Variants in TNR observed in about 807,000 individuals in gnomAD.
TNR encodes tenascin R.
TNR carries 45 observed loss-of-function variants against 150.4 expected under a neutral mutation model. The ratio of observed to expected loss-of-function variants is 0.30; its 90% CI spans 0.24 to 0.38. TNR has a LOEUF of 0.38. TNR is among the 10% of genes least tolerant of loss of function. The pLI is 1.00. For missense variants in TNR, 1,544 were observed against 1,759.1 expected (o/e 0.88, Z 2.19); for synonymous variants, 687 against 678.4 (o/e 1.01, Z -0.20).
At chr1:175,681,125 G>A (rs1054719350) in intron 1 of TNR, among the ~76,000 whole-genome samples, 1 of 152,218 alleles carries the variant, frequency 6.6e-6, no homozygotes, top group Non-Finnish European at 1.5e-5. Flanking sequence ...AAGGGGGGCA[G>A]GGAGAAGCAA....
chr1:175,657,934 TA>T (rs5778866), intron 1 of TNR, among the ~76,000 whole-genome samples: 70,047 of 122,114 alleles, frequency 0.57, 20,414 homozygotes, highest in East Asian at 0.73. Flanking sequence ...TAAAGTATAA[TA>T]AAAAAAAAAA....
chr1:175,610,961 G>C (rs1259735341), intron 1 of TNR, among the ~76,000 whole-genome samples: 1 of 152,204 alleles, frequency 6.6e-6, no homozygotes, highest in Non-Finnish European at 1.5e-5. Flanking sequence ...TACATGGCTT[G>C]ATCACTGAGC....
At chr1:175,463,290 T>A (rs1656896455) in intron 2 of TNR, among the ~76,000 whole-genome samples, 1 of 152,300 alleles carries the variant, frequency 6.6e-6, no homozygotes, top group East Asian at 1.9e-4. Context: ...CCCTTCCTGA[T>A]TTTACTGCAT....
intron 2 of TNR, among the ~76,000 whole-genome samples, chr1:175,471,936 T>C (rs1657310971): frequency 6.6e-6 from 1 of 152,236 alleles, no homozygotes; most frequent in African/African-American, 2.4e-5. Flanking sequence ...TTTTTTCTAT[T>C]TCTAATTTTT....
chr1:175,559,590 T>C (rs566599392), intron 1 of TNR, among the ~76,000 whole-genome samples: 6 of 152,318 alleles, frequency 3.9e-5, no homozygotes, highest in Non-Finnish European at 2.9e-5. Flanking sequence ...GAAGAATACA[T>C]ATCAGTATTG....
chr1:175,513,840 G>C (rs1659293714), intron 2 of TNR, among the ~76,000 whole-genome samples: 1 of 152,184 alleles, frequency 6.6e-6, no homozygotes, highest in Non-Finnish European at 1.5e-5. Context: ...CAAACTCACT[G>C]CACATGCACA....
chr1:175,326,122 T>C (rs1164177297), intron 21 of TNR, among the ~76,000 whole-genome samples: 1 of 152,168 alleles, frequency 6.6e-6, no homozygotes, highest in African/African-American at 2.4e-5. Context: ...GTGAGATTTT[T>C]ATTCTGAGGG....
At chr1:175,724,809 A>T (rs1394772333) in intron 1 of TNR, among the ~76,000 whole-genome samples, 2 of 152,186 alleles carry the variant, frequency 1.3e-5, no homozygotes, top group Non-Finnish European at 2.9e-5. Flanking sequence ...AGGAAGGGGC[A>T]TCTCAGCTGA....
At chr1:175,469,405 C>G (rs1657177523) in intron 2 of TNR, among the ~76,000 whole-genome samples, 1 of 152,154 alleles carries the variant, frequency 6.6e-6, no homozygotes, top group Non-Finnish European at 1.5e-5. Flanking sequence ...GTACAACTAT[C>G]ACTAGTAGCA....
chr1:175,360,479 T>C (rs2102009801), intron 14 of TNR, among the ~76,000 whole-genome samples: 2 of 152,370 alleles, frequency 1.3e-5, no homozygotes, highest in South Asian at 2.1e-4. Flanking sequence ...CTTCCTAGTC[T>C]TACTTGCCCA....
Position 175,363,760 on chromosome 1 carries a change from G to A in TNR, c.2655C>T (p.Ser885=). The change falls in exon 13 of 23, where the codon AGC becomes AGT. Residue 885 remains serine, a synonymous_variant. Transcript: ENST00000367674. ...VTKDSVMVSW[S]PPVASFDYYR... is the part of the protein sequence containing the mutation. ...AGTAATCGAAAGATGCAACAGGAGG[G>A]CTCCAGGAGACCATCACTGAGTCCT... 6.2e-7 allele frequency: 1 copy of A among 1,613,918 alleles called. No homozygotes were observed. The highest frequency in any genetic ancestry group is 8.5e-7 in the Non-Finnish European group (1 of 1,179,850).
At chr1:175,401,082 T>C (rs1653683462) in intron 4 of TNR, among the ~76,000 whole-genome samples, 1 of 152,182 alleles carries the variant, frequency 6.6e-6, no homozygotes. Context: ...AGAGGTACCA[T>C]GTCAGAGGTA....
rs895972251 is a variant in TNR at position 175,340,068 on chromosome 1, A to AAGTT, written c.3383-2393_3383-2390dup. 1.6e-4 allele frequency among the ~76,000 whole-genome samples: 25 copies of AAGTT among 152,290 alleles called. No individual in the cohort carries two copies. In the East Asian group the frequency reaches 2.9e-3, roughly 18 times the overall value. On this transcript the variant is annotated intron_variant, in intron 18 of 22. Transcript: ENST00000367674. ...ATATAAAATAGTGATTCATTTTTTA[A>AAGTT]AGTTAGAAAAATAAGAATAAAATTA...
At chr1:175,724,404 C>T (rs1667422407) in intron 1 of TNR, among the ~76,000 whole-genome samples, 1 of 152,168 alleles carries the variant, frequency 6.6e-6, no homozygotes, top group African/African-American at 2.4e-5. Context: ...AGAACTCACT[C>T]ACTATAATGA....
intron 9 of TNR, among the ~76,000 whole-genome samples, chr1:175,374,567 G>T (rs886443728): frequency 1.3e-5 from 2 of 152,204 alleles, no homozygotes; most frequent in African/African-American, 4.8e-5. Context: ...TGTGGTGAGT[G>T]TGAGTGCATC....
chr1:175,406,633 G>C lies in TNR; in HGVS notation c.82C>G (p.Pro28Ala), dbSNP rs770169769. 3 of 1,614,200 alleles carry C rather than the reference G, an allele frequency of 1.9e-6. No individual in the cohort carries two copies. The change falls in exon 3 of 23, where the codon CCT becomes GCT. Residue 28 changes from proline (P) to alanine (A), a missense_variant. Coordinates refer to ENST00000367674, the MANE Select transcript of TNR (RefSeq NM_003285.3). ...GTGACCTCCAGCTGACACTCTGAAGGCTTGATCATGGAGCCCAGAAGGATC... is the reference window on the plus strand; with the variant it reads ...GTGACCTCCAGCTGACACTCTGAAGCCTTGATCATGGAGCCCAGAAGGATC... ...NLILLGSMIK[P>A]SECQLEVTTE...
intron 4 of TNR, among the ~76,000 whole-genome samples, chr1:175,398,164 A>G (rs1653521581): frequency 6.6e-6 from 1 of 152,180 alleles, no homozygotes; most frequent in Non-Finnish European, 1.5e-5. Flanking sequence ...AATCCTCAGC[A>G]AAGACAGAGA....
At chr1:175,371,454 G>A (rs1652102525) in intron 9 of TNR, among the ~76,000 whole-genome samples, 1 of 152,176 alleles carries the variant, frequency 6.6e-6, no homozygotes, top group African/African-American at 2.4e-5. Context: ...AGCTGAACAA[G>A]ACATTAGCCT....
chr1:175,654,645 A>G (rs915557495), intron 1 of TNR, among the ~76,000 whole-genome samples: 1 of 147,872 alleles, frequency 6.8e-6, no homozygotes, highest in African/African-American at 2.5e-5. Context: ...CCTCCTACAC[A>G]GCTGCCATCT....
Sources: gnomAD v4.1 joint callset for allele counts (sites outside exome capture counted in the v4.1 genomes callset) on GRCh38, gnomAD v4.1.1 for gene constraint, MANE v1.5 for transcripts, NCBI Gene and HGNC (gene_info 2026-07-23, HGNC 2026-07-21) for gene names.